The following HYDIN variants were observed in gnomAD, a reference collection of about 807,000 sequenced individuals.
The protein encoded by HYDIN is axonemal central pair apparatus protein HYDIN.
Under a neutral mutation model 403.9 loss-of-function variants are expected in HYDIN, and 132 were observed. The ratio of observed to expected loss-of-function variants is 0.33; its 90% CI spans 0.28 to 0.38. The LOEUF is 0.38. Ranked by LOEUF, HYDIN falls within the 10% of genes least tolerant of loss-of-function variation. The probability of loss-of-function intolerance (pLI) is 1.00; values close to 1 mark genes in which losing one functional copy is unlikely to be tolerated. For synonymous variants in HYDIN, 1,202 were observed against 1,891.7 expected, an observed-to-expected ratio of 0.64 and a Z score of 9.46; for missense variants, 2,827 against 5,009.5, an observed-to-expected ratio of 0.56 and a Z score of 13.15.
At chr16:70,932,334 GA>G (rs539921360) in intron 45 of HYDIN, among the ~76,000 whole-genome samples, 121 of 152,254 alleles carry the variant, frequency 7.9e-4, no homozygotes, top group African/African-American at 2.7e-3. Flanking sequence ...CTGCTTAGAC[GA>G]CAGAGCAAGA....
Position 71,175,757 on chromosome 16 carries a change from T to C in HYDIN, c.382-16A>G, listed in dbSNP as rs780340916. ...ACCTTGGAATCTGCAGGGAAACACA[T>C]GATGATGAACATCGTGCATGTGAAA... On this transcript the variant is annotated splice_polypyrimidine_tract_variant and intron_variant, in intron 4 of 85. Transcript: ENST00000393567. 1.2e-6 allele frequency: 2 copies of C among 1,613,680 alleles called. No individual in the cohort carries two copies. Among genetic ancestry groups the C allele is most frequent in the East Asian group, 2.2e-5 (1 of 44,884 alleles).
At chr16:71,212,832 C>T (rs117123941) in intron 1 of HYDIN, among the ~76,000 whole-genome samples, 1,723 of 152,036 alleles carry the variant, frequency 0.011, 13 homozygotes, top group Non-Finnish European at 0.017. Flanking sequence ...AATGAAGATT[C>T]AAGAAGCTCA....
At chr16:70,841,285 C>T (rs1048598704) in intron 75 of HYDIN, among the ~76,000 whole-genome samples, 1 of 152,096 alleles carries the variant, frequency 6.6e-6, no homozygotes, top group Non-Finnish European at 1.5e-5. Context: ...TTATCATCTT[C>T]AACTCTTCTG....
intron 62 of HYDIN, among the ~76,000 whole-genome samples, chr16:70,878,125 C>T (rs1427678746): frequency 2.0e-5 from 3 of 152,084 alleles, no homozygotes; most frequent in Non-Finnish European, 4.4e-5. Context: ...ATCATGGGGG[C>T]GGGTCTTTCC....
intron 18 of HYDIN, among the ~76,000 whole-genome samples, chr16:71,054,680 G>C (rs1401067662): frequency 6.6e-6 from 1 of 151,330 alleles, no homozygotes; most frequent in African/African-American, 2.4e-5. Flanking sequence ...ATAGAGTCCA[G>C]CACTGACAAT....
chr16:70,972,051 T>TTC lies in HYDIN; in HGVS notation c.5379+1291_5379+1292insGA, dbSNP rs1463827891. Among the ~76,000 whole-genome samples, 3 of 44,500 alleles carry TTC rather than the reference T, an allele frequency of 6.7e-5. No homozygotes were observed. The African/African-American group carries it at 7.4e-4, about 11-fold the overall frequency. The allele number at this position is 44,500 out of a possible 152,430, so 29.2% of individuals were successfully genotyped here. ...TCATGAAACTGCTTGAACAAATCTA[T>TTC]TTTTTTTTTTTACTATATTTCCCTC... On this transcript the variant is annotated intron_variant, in intron 35 of 85. Coordinates refer to ENST00000393567, the MANE Select transcript of HYDIN (RefSeq NM_001270974.2).
chr16:70,946,517 AG>A (rs1377399426), intron 41 of HYDIN, among the ~76,000 whole-genome samples: 2 of 152,118 alleles, frequency 1.3e-5, no homozygotes, highest in Non-Finnish European at 2.9e-5. Context: ...GGGGAGGATT[AG>A]GTTTGCCAGG....
At chr16:70,900,239 G>A (rs1001213639) in intron 53 of HYDIN, among the ~76,000 whole-genome samples, 4 of 151,938 alleles carry the variant, frequency 2.6e-5, no homozygotes, top group African/African-American at 9.7e-5. Context: ...ACTTTGGGAG[G>A]CCGAGGCAGG....
rs1203074162 is a variant in HYDIN, at chr16:70,808,054, A to G, written c.14892T>C (p.Cys4964=). The G allele has an allele frequency of 3.1e-6, 5 of 1,606,476 alleles. No homozygotes were observed. In the South Asian group the frequency reaches 5.5e-5, roughly 18 times the overall value. ...TGAGTTTTTCTGCGTGGAAGTCTGT[A>G]CAGTCGGTCTGAAAGGGGAACAAAC... ...QRTEYYCRTD[C]TDFHAEKLIN... The change falls in exon 86 of 86, where the codon TGT becomes TGC. Residue 4964 remains cysteine (C), a synonymous_variant. Coordinates refer to ENST00000393567, the MANE Select transcript of HYDIN (RefSeq NM_001270974.2).
At position 70,970,510 on chromosome 16, in the gene HYDIN, C is replaced by T; in HGVS notation, c.5619+10G>A. On this transcript the variant is annotated intron_variant, in intron 36 of 85. Coordinates refer to ENST00000393567, the MANE Select transcript of HYDIN (RefSeq NM_001270974.2). ...GTGTAGAAAAACAGTTTGGTTTGACCTCTGCTCACCTTTTCTTCTATGAGA... is the reference window on the plus strand; with the variant it reads ...GTGTAGAAAAACAGTTTGGTTTGACTTCTGCTCACCTTTTCTTCTATGAGA... 1.3e-6 allele frequency: 2 copies of T among 1,599,596 alleles called. No individual in the cohort carries two copies. Among genetic ancestry groups the T allele is most frequent in the Non-Finnish European group, 1.7e-6 (2 of 1,170,496 alleles).
intron 21 of HYDIN, among the ~76,000 whole-genome samples, chr16:71,022,570 C>T (rs2080537171): frequency 6.6e-6 from 1 of 151,998 alleles, no homozygotes; most frequent in Non-Finnish European, 1.5e-5. Flanking sequence ...GGAGACAGAA[C>T]AGATAATTGG....
intron 43 of HYDIN, 69 bp from the exon 44 acceptor site, chr16:70,938,824 C>T (rs1475715015): frequency 4.9e-5 from 76 of 1,564,988 alleles, no homozygotes; most frequent in Middle Eastern, 1.7e-4. Flanking sequence ...CCTAAGCAGG[C>T]GGAGTAGGGT....
chr16:71,056,125 TTG>T (rs1491057600), intron 18 of HYDIN, among the ~76,000 whole-genome samples: 4 of 137,344 alleles, frequency 2.9e-5, no homozygotes, highest in Non-Finnish European at 3.3e-5. Context: ...ATTCTGAGAT[TTG>T]TTTTTTTTTT....
At chr16:70,864,907 C>T (rs1270991924) in intron 67 of HYDIN, among the ~76,000 whole-genome samples, 3 of 151,988 alleles carry the variant, frequency 2.0e-5, no homozygotes, top group Non-Finnish European at 2.9e-5. Context: ...AGCTGCATGC[C>T]GGCAAAACTT....
rs767375464 is a variant in HYDIN at position 70,904,518 on chromosome 16, T to TTTTTTTTTTTTTTTTG, written c.8517-455_8517-454insCAAAAAAAAAAAAAAA. On this transcript the variant is annotated intron_variant, in intron 50 of 85. Transcript: ENST00000393567. ...TTTTTTTTTTTTTTTTTTTTTTTTT[T>TTTTTTTTTTTTTTTTG]TGAGGGAGTTTCGTTCTTGTTGCCC... 9.7e-3 allele frequency among the ~76,000 whole-genome samples: 358 copies of TTTTTTTTTTTTTTTTG among 37,006 alleles called. 133 individuals are homozygous for TTTTTTTTTTTTTTTTG. The highest frequency in any genetic ancestry group is 0.015 in the Non-Finnish European group (295 of 19,120). 24.3% of individuals were successfully genotyped at this position (37,006 alleles called of 152,430 possible). A position where few individuals can be genotyped will look rare whatever the true frequency, so the allele number is the denominator to read the frequency against.
At position 70,872,197 on chromosome 16, in the gene HYDIN, A is replaced by G; in HGVS notation, c.10949-18T>C. On this transcript the variant is annotated intron_variant, in intron 64 of 85. Coordinates refer to ENST00000393567, the MANE Select transcript of HYDIN (RefSeq NM_001270974.2). ...CAGAGCAGCTAGGGATTAGAAGCAGAAGGCTGTGAGTCCTCCCTGGCCTCC... is the reference window on the plus strand; with the variant it reads ...CAGAGCAGCTAGGGATTAGAAGCAGGAGGCTGTGAGTCCTCCCTGGCCTCC... 1 of 1,286,704 alleles carries G rather than the reference A, an allele frequency of 7.8e-7. No individual in the cohort carries two copies. The highest frequency in any genetic ancestry group is 1.1e-6 in the Non-Finnish European group (1 of 939,072). The allele number at this position is 1,286,704 out of a possible 1,614,324, so 79.7% of individuals were successfully genotyped here.
At chr16:71,039,167 G>A (rs2081200092) in intron 18 of HYDIN, among the ~76,000 whole-genome samples, 1 of 151,574 alleles carries the variant, frequency 6.6e-6, no homozygotes, top group African/African-American at 2.4e-5. Context: ...ATAGCCAAGT[G>A]ACCTTGCACT....
chr16:71,134,231 T>C (rs1296269979), intron 8 of HYDIN, among the ~76,000 whole-genome samples: 1 of 151,916 alleles, frequency 6.6e-6, no homozygotes, highest in African/African-American at 2.4e-5. Flanking sequence ...GAAGCGATCT[T>C]AGAGCAACTT....
Position 71,165,107 on chromosome 16 carries a change from A to G in HYDIN, c.517-2377T>C, listed in dbSNP as rs201059477. Among the ~76,000 whole-genome samples the G allele has an allele frequency of 8.1e-3, 1,218 of 151,212 alleles. 17 individuals are homozygous for G. Among genetic ancestry groups the G allele is most frequent in the African/African-American group, 0.028 (1,155 of 40,936 alleles). On this transcript the variant is annotated intron_variant, in intron 5 of 85. Transcript: ENST00000393567. ...TCTCCTAAAGTCTATTTTCCACCCA[A>G]GGGTCAGAGGGACCCAGTAAAAATG... is the stretch of plus-strand genomic sequence containing the variant.
Sources: allele counts gnomAD v4.1 joint callset (sites outside exome capture counted in the v4.1 genomes callset), GRCh38; gene constraint gnomAD v4.1.1; transcripts MANE v1.5; gene names NCBI Gene and HGNC (gene_info 2026-07-23, HGNC 2026-07-21).